The following RALGPS2 variants were observed in gnomAD, a reference collection of about 807,000 sequenced individuals.
RALGPS2 encodes ras-specific guanine nucleotide-releasing factor RalGPS2.
RALGPS2 carries 43 observed loss-of-function variants against 86.8 expected under a neutral mutation model. That is an observed-to-expected ratio of 0.50 (90% CI 0.39 to 0.64). The LOEUF is 0.64. Among genes scored for constraint, RALGPS2 ranks in the 30% least tolerant of loss-of-function variants. The probability of loss-of-function intolerance (pLI) is 0.00; values close to 1 mark genes in which losing one functional copy is unlikely to be tolerated. For synonymous variants in RALGPS2, 243 were observed against 231.3 expected (o/e 1.05, Z -0.46); for missense variants, 536 against 694.6 (o/e 0.77, Z 2.57).
intron 10 of RALGPS2, among the ~76,000 whole-genome samples, chr1:178,880,101 C>G (rs1033063047): frequency 6.6e-6 from 1 of 151,978 alleles, no homozygotes; most frequent in South Asian, 2.1e-4. Context: ...TTTGCACTTT[C>G]ACAAATATTT....
At chr1:178,778,961 A>G (rs1363018549) in intron 2 of RALGPS2, among the ~76,000 whole-genome samples, 1 of 152,212 alleles carries the variant, frequency 6.6e-6, no homozygotes, top group South Asian at 2.1e-4. Context: ...AATAATGGTA[A>G]CTCATAAAAC....
intron 8 of RALGPS2, among the ~76,000 whole-genome samples, chr1:178,833,762 T>G (rs1315593016): frequency 1.3e-5 from 2 of 152,188 alleles, no homozygotes; most frequent in African/African-American, 2.4e-5. Context: ...CTCAAGGTTT[T>G]TCTTAGACTA....
rs1180755030 is a variant in RALGPS2 at position 178,852,324 on chromosome 1, C to T, written c.607+18774C>T. ...CCTCCAGTGAGTAAGCTCCAAAGGG[C>T]GGGAACTTTGTTCACTGTTATATCC... is the stretch of plus-strand genomic sequence containing the variant. On this transcript the variant is annotated intron_variant, in intron 8 of 19. Coordinates refer to ENST00000367635, the MANE Select transcript of RALGPS2 (RefSeq NM_152663.5). 2.6e-5 allele frequency among the ~76,000 whole-genome samples: 4 copies of T among 152,264 alleles called. No individual in the cohort carries two copies. The East Asian group carries it at 5.8e-4, about 22-fold the overall frequency.
intron 8 of RALGPS2, chr1:178,865,740 A>G: frequency 6.2e-7 from 1 of 1,612,314 alleles, no homozygotes; most frequent in Non-Finnish European, 8.5e-7. Context: ...ACTAGTAGGA[A>G]GAATAGCACA....
chr1:178,831,694 AT>A (rs1418180540), intron 7 of RALGPS2, among the ~76,000 whole-genome samples: 40 of 146,698 alleles, frequency 2.7e-4, no homozygotes, highest in African/African-American at 1.0e-3. Context: ...ATATAACATT[AT>A]AAATATCAAA....
At chr1:178,856,050 T>C (rs1240489658) in intron 8 of RALGPS2, among the ~76,000 whole-genome samples, 1 of 149,198 alleles carries the variant, frequency 6.7e-6, no homozygotes, top group African/African-American at 2.4e-5. Context: ...AAATTTTATA[T>C]TTTACTAGAA....
At chr1:178,869,443 A>G (rs1293416766) in intron 8 of RALGPS2, among the ~76,000 whole-genome samples, 1 of 152,122 alleles carries the variant, frequency 6.6e-6, no homozygotes, top group African/African-American at 2.4e-5. Context: ...TATTTAAGAA[A>G]AGGATAAATA....
intron 1 of RALGPS2, among the ~76,000 whole-genome samples, chr1:178,737,267 A>G (rs1409353665): frequency 6.6e-6 from 1 of 152,094 alleles, no homozygotes; most frequent in Non-Finnish European, 1.5e-5. Context: ...TCTTTTTGAG[A>G]TGAAGTCTTG....
chr1:178,859,404 T>C (rs12125044), intron 8 of RALGPS2, among the ~76,000 whole-genome samples: 13,073 of 121,956 alleles, frequency 0.11, 629 homozygotes, highest in African/African-American at 0.21. Context: ...AGTTTAACTT[T>C]TTTTTTTTTT....
At chr1:178,824,336 G>A (rs915797970) in intron 7 of RALGPS2, among the ~76,000 whole-genome samples, 3 of 152,106 alleles carry the variant, frequency 2.0e-5, no homozygotes, top group Admixed American at 2.0e-4. Flanking sequence ...TGGGACCAAA[G>A]ATTTGTTGTA....
intron 4 of RALGPS2, among the ~76,000 whole-genome samples, chr1:178,804,499 T>G (rs900070934): frequency 7.1e-6 from 1 of 140,662 alleles, no homozygotes; most frequent in Non-Finnish European, 1.5e-5. Context: ...CATTGTTCAG[T>G]TCCCACCTAT....
rs191481244 is a variant in RALGPS2 at position 178,754,709 on chromosome 1, A to G, written c.-83-21973A>G. ...ATAGTGTTTGACCAAATGTCTGGGC[A>G]TCCTGTGGTTCAGTCAAGTTGACAT... On this transcript the variant is annotated intron_variant, in intron 1 of 19. Transcript: ENST00000367635. Among the ~76,000 whole-genome samples the G allele has an allele frequency of 2.6e-5, 4 of 152,374 alleles. No homozygotes were observed. The East Asian group carries it at 7.7e-4, about 29-fold the overall frequency.
chr1:178,737,459 G>T (rs1650775700), intron 1 of RALGPS2, among the ~76,000 whole-genome samples: 1 of 152,060 alleles, frequency 6.6e-6, no homozygotes. Context: ...TCTTGGCCAG[G>T]CTGGTCTTGA....
chr1:178,783,135 A>G (rs1253457943), intron 2 of RALGPS2, among the ~76,000 whole-genome samples: 7 of 152,220 alleles, frequency 4.6e-5, no homozygotes, highest in Admixed American at 4.6e-4. Flanking sequence ...CAAATGGATA[A>G]TATAGGCAGG....
intron 19 of RALGPS2, among the ~76,000 whole-genome samples, chr1:178,910,022 T>C (rs1039270098): frequency 6.6e-6 from 1 of 152,176 alleles, no homozygotes; most frequent in Non-Finnish European, 1.5e-5. Context: ...TTTTTGTGGC[T>C]ATTGTAAATG....
chr1:178,916,459 C>G lies in RALGPS2; in HGVS notation c.*100C>G. 8.7e-7 allele frequency: 1 copy of G among 1,146,878 alleles called. No individual in the cohort carries two copies. The allele number at this position is 1,146,878 out of a possible 1,614,324, so 71.0% of individuals were successfully genotyped here. On this transcript the variant is annotated 3_prime_UTR_variant, in exon 20 of 20. Transcript: ENST00000367635. ...TAAACCATCCTGTGCCAGGAAGAGC[C>G]CAGAGGCTCTGTCTCAGTCGTTGGA...
At chr1:178,892,066 G>A (rs1402211541) in intron 14 of RALGPS2, among the ~76,000 whole-genome samples, 164 bp from the exon 15 acceptor site, 3 of 151,870 alleles carry the variant, frequency 2.0e-5, no homozygotes, top group Non-Finnish European at 4.4e-5. Context: ...TGAAATCTAT[G>A]CTGCATGCTT....
intron 4 of RALGPS2, among the ~76,000 whole-genome samples, chr1:178,797,703 T>C (rs771426333): frequency 2.8e-4 from 43 of 152,154 alleles, no homozygotes; most frequent in Non-Finnish European, 5.0e-4. Context: ...ATTTTTATAA[T>C]ACGTGTCTGT....
chr1:178,802,346 A>G (rs1654520754), intron 4 of RALGPS2, among the ~76,000 whole-genome samples: 1 of 152,188 alleles, frequency 6.6e-6, no homozygotes, highest in Non-Finnish European at 1.5e-5. Flanking sequence ...TATGGTACAT[A>G]TCAAGCAATG....
Sources: allele counts gnomAD v4.1 joint callset (sites outside exome capture counted in the v4.1 genomes callset), GRCh38; gene constraint gnomAD v4.1.1; transcripts MANE v1.5; gene names NCBI Gene and HGNC (gene_info 2026-07-23, HGNC 2026-07-21).